Variants in EBF2 observed in about 807,000 individuals in gnomAD.
EBF2 encodes EBF transcription factor 2.
In EBF2, 21 loss-of-function variants were observed where a neutral mutation model predicts 72.8. That is an observed-to-expected ratio of 0.29 (90% confidence interval 0.20 to 0.42). EBF2 has a LOEUF of 0.42. Among genes scored for constraint, EBF2 ranks in the 10% least tolerant of loss-of-function variants. EBF2 has a pLI of 1.00. For synonymous variants in EBF2, 299 were observed against 274.2 expected (o/e 1.09, Z -0.89); for missense variants, 637 against 731.2 (o/e 0.87, Z 1.49).
rs555265499 is a variant in EBF2 at position 25,869,397 on chromosome 8, G to T, written c.1010-6600C>A. On this transcript the variant is annotated intron_variant, in intron 10 of 15. Coordinates refer to ENST00000520164, the MANE Select transcript of EBF2 (RefSeq NM_022659.4). The stretch of plus-strand genomic sequence containing the variant: ...CCTTGCCCTGCTGCTCTTTCCTAAG[G>T]GGGAATGAGGAGGCCAGCTGGAATT... Among the ~76,000 whole-genome samples, 243 of 152,106 alleles carry T rather than the reference G, an allele frequency of 1.6e-3. 1 individual carries two copies. Among genetic ancestry groups the T allele is most frequent in the African/African-American group, 5.8e-3 (239 of 41,528 alleles).
At chr8:26,011,741 C>T (rs1805025816) in intron 6 of EBF2, among the ~76,000 whole-genome samples, 1 of 152,074 alleles carries the variant, frequency 6.6e-6, no homozygotes, top group African/African-American at 2.4e-5. Flanking sequence ...CTCTGTGGTG[C>T]CCCTCCCTGC....
chr8:25,853,502 A>AAAGAAAAACTT (rs1036100859), intron 14 of EBF2, among the ~76,000 whole-genome samples: 17 of 151,954 alleles, frequency 1.1e-4, no homozygotes, highest in Admixed American at 5.2e-4. Flanking sequence ...CTAAATAGAA[A>AAAGAAAAACTT]AACTTAACAG....
intron 10 of EBF2, among the ~76,000 whole-genome samples, chr8:25,870,913 A>T (rs1802428050): frequency 6.6e-6 from 1 of 152,182 alleles, no homozygotes. Flanking sequence ...ACAGTTACCT[A>T]CACAGACAGG....
At chr8:26,022,112 G>A (rs1210985987) in intron 6 of EBF2, among the ~76,000 whole-genome samples, 4 of 152,166 alleles carry the variant, frequency 2.6e-5, no homozygotes, top group African/African-American at 9.7e-5. Context: ...TAGAAGCCTT[G>A]TAATTCAGCC....
At chr8:26,040,233 C>A in intron 4 of EBF2, 132 bp from the exon 5 acceptor site, 1 of 965,180 alleles carries the variant, frequency 1.0e-6, no homozygotes, top group Non-Finnish European at 1.6e-6. Flanking sequence ...TTCCCGCCCG[C>A]AGCACATTCT....
At chr8:25,906,910 T>G (rs1585190723) in intron 7 of EBF2, among the ~76,000 whole-genome samples, 1 of 152,240 alleles carries the variant, frequency 6.6e-6, no homozygotes, top group South Asian at 2.1e-4. Flanking sequence ...ACAGCAAGAT[T>G]GATAGCCATG....
At chr8:25,860,958 G>C (rs571600455) in intron 13 of EBF2, 91 bp downstream of exon 13, 355 of 1,404,090 alleles carry the variant, frequency 2.5e-4, no homozygotes, top group Non-Finnish European at 3.4e-4. Flanking sequence ...CACTCTGTTG[G>C]ACCATTATGA....
At chr8:25,844,809 GC>G (rs1235380346) in intron 15 of EBF2, among the ~76,000 whole-genome samples, 169 bp from the exon 16 acceptor site, 1 of 152,172 alleles carries the variant, frequency 6.6e-6, no homozygotes, top group Non-Finnish European at 1.5e-5. Context: ...CTAGCAGACA[GC>G]CCATTAAAGG....
chr8:25,933,671 A>T (rs1345474734), intron 6 of EBF2, among the ~76,000 whole-genome samples: 1 of 152,220 alleles, frequency 6.6e-6, no homozygotes, highest in Non-Finnish European at 1.5e-5. Flanking sequence ...ACGATGGTGG[A>T]AAACAAATTT....
chr8:25,959,215 G>A (rs959420961), intron 6 of EBF2, among the ~76,000 whole-genome samples: 5 of 152,098 alleles, frequency 3.3e-5, no homozygotes, highest in African/African-American at 1.2e-4. Flanking sequence ...CTTGCTTAAA[G>A]TTTTTTTGAG....
chr8:25,970,864 G>T (rs541353107), intron 6 of EBF2, among the ~76,000 whole-genome samples: 1 of 151,992 alleles, frequency 6.6e-6, no homozygotes, highest in Non-Finnish European at 1.5e-5. Context: ...ACAGGATTTT[G>T]CTCTGTCACC....
At chr8:25,992,625 A>G (rs1804562885) in intron 6 of EBF2, among the ~76,000 whole-genome samples, 2 of 152,204 alleles carry the variant, frequency 1.3e-5, no homozygotes, top group African/African-American at 4.8e-5. Flanking sequence ...AAGGCCAGGC[A>G]TGGTGGGTGG....
intron 5 of EBF2, among the ~76,000 whole-genome samples, chr8:26,038,054 A>G (rs1805532972): frequency 6.6e-6 from 1 of 152,224 alleles, no homozygotes; most frequent in South Asian, 2.1e-4. Context: ...GGCTCTTAAA[A>G]TGTAAGAGAA....
intron 13 of EBF2, 92 bp from the exon 14 acceptor site, chr8:25,858,596 C>T (rs1000190712): frequency 3.9e-6 from 5 of 1,270,928 alleles, no homozygotes; most frequent in Admixed American, 2.4e-5. Context: ...CCCCAGACTG[C>T]AGAATGTCAC....
intron 6 of EBF2, among the ~76,000 whole-genome samples, chr8:25,956,167 C>T (rs1803941051): frequency 6.6e-6 from 1 of 152,050 alleles, no homozygotes; most frequent in Non-Finnish European, 1.5e-5. Context: ...GCCTGTAATC[C>T]CAGCACTTTG....
intron 6 of EBF2, among the ~76,000 whole-genome samples, chr8:25,959,208 G>A (rs1182776829): frequency 6.6e-6 from 1 of 152,148 alleles, no homozygotes; most frequent in African/African-American, 2.4e-5. Context: ...GACAATGCTT[G>A]CTTAAAGTTT....
chr8:25,950,237 GCTCT>G, intron 6 of EBF2, among the ~76,000 whole-genome samples: 1 of 152,270 alleles, frequency 6.6e-6, no homozygotes, highest in East Asian at 1.9e-4. Flanking sequence ...CTTCTTTTAA[GCTCT>G]TTCAGCAGGC....
At chr8:25,979,352 C>T (rs1404227905) in intron 6 of EBF2, among the ~76,000 whole-genome samples, 1 of 152,226 alleles carries the variant, frequency 6.6e-6, no homozygotes, top group Non-Finnish European at 1.5e-5. Flanking sequence ...GCTGCAAACC[C>T]TCGCCCTGCC....
chr8:25,971,636 T>C (rs973407720), intron 6 of EBF2, among the ~76,000 whole-genome samples: 2 of 152,166 alleles, frequency 1.3e-5, no homozygotes, highest in African/African-American at 2.4e-5. Context: ...TTAATGCTTG[T>C]CACACTTGCT....
Sources: allele counts gnomAD v4.1 joint callset (sites outside exome capture counted in the v4.1 genomes callset), GRCh38; gene constraint gnomAD v4.1.1; transcripts MANE v1.5; gene names NCBI Gene and HGNC (gene_info 2026-07-23, HGNC 2026-07-21).